NINJ2: variants seen among roughly 807,000 people sequenced by gnomAD.
The protein encoded by NINJ2 is ninjurin 2.
NINJ2 carries 12 observed loss-of-function variants against 11.7 expected under a neutral mutation model. The ratio of observed to expected loss-of-function variants is 1.02; its 90% CI spans 0.66 to 1.66. The LOEUF is 1.66. Ranked by LOEUF, NINJ2 falls within the 40% of genes most tolerant of loss-of-function variation. The probability of loss-of-function intolerance (pLI) is 0.00; values close to 1 mark genes in which losing one functional copy is unlikely to be tolerated. For missense variants in NINJ2, 187 were observed against 181.8 expected, an observed-to-expected ratio of 1.03 and a Z score of -0.16; for synonymous variants, 93 against 76.8, an observed-to-expected ratio of 1.21 and a Z score of -1.10.
At chr12:657,416 C>T (rs1330343727) in intron 1 of NINJ2, among the ~76,000 whole-genome samples, 5 of 152,060 alleles carry the variant, frequency 3.3e-5, no homozygotes, top group Non-Finnish European at 5.9e-5. Flanking sequence ...AGTGAAACCC[C>T]GCCTCTATTA....
At chr12:578,581 G>A (rs1345047774) in intron 1 of NINJ2, among the ~76,000 whole-genome samples, 3 of 152,142 alleles carry the variant, frequency 2.0e-5, no homozygotes, top group Non-Finnish European at 4.4e-5. Context: ...CACCCTCAAA[G>A]TGCTGGGATT....
At position 609,354 on chromosome 12, in the gene NINJ2, G is replaced by C. The variant is rs554481465; in HGVS notation, c.34-43176C>G. Among the ~76,000 whole-genome samples the C allele has an allele frequency of 1.9e-3, 289 of 149,434 alleles. 6 individuals are homozygous for C. The highest frequency in any genetic ancestry group is 3.4e-3 in the Middle Eastern group (1 of 290). ...CACGCACGGCGCCACGCTAGGTGCT[G>C]AAGGGGCCGCAAAGATGAGTAAAAT... On this transcript the variant is annotated intron_variant, in intron 1 of 3. Coordinates refer to ENST00000305108, the MANE Select transcript of NINJ2 (RefSeq NM_016533.6).
intron 1 of NINJ2, among the ~76,000 whole-genome samples, chr12:572,360 T>C (rs1374772365): frequency 2.6e-5 from 4 of 152,206 alleles, no homozygotes; most frequent in Admixed American, 1.3e-4. Context: ...CAGGGGCCTG[T>C]CACCCTGCTG....
intron 1 of NINJ2, among the ~76,000 whole-genome samples, chr12:599,682 T>C (rs1310281311): frequency 6.6e-6 from 1 of 152,162 alleles, no homozygotes; most frequent in African/African-American, 2.4e-5. Flanking sequence ...CTTGCCTCAG[T>C]AGAGTTGGGA....
chr12:624,808 C>CAA lies in NINJ2; in HGVS notation c.33+38518_33+38519dup, dbSNP rs11371283. ...TGGGAGACAGAGTGAGACTCCATCTCAAAAAAAAAAAAAAAGATGGCTGGG... is the reference window on the plus strand; with the variant it reads ...TGGGAGACAGAGTGAGACTCCATCTCAAAAAAAAAAAAAAAAAGATGGCTGGG... On this transcript the variant is annotated intron_variant, in intron 1 of 3. Transcript: ENST00000305108. Among the ~76,000 whole-genome samples, 252 of 129,602 alleles carry CAA rather than the reference C, an allele frequency of 1.9e-3. 2 individuals are homozygous for CAA. The highest frequency in any genetic ancestry group is 6.2e-3 in the South Asian group (24 of 3,888). 85.0% of individuals were successfully genotyped at this position (129,602 alleles called of 152,430 possible).
chr12:635,407 G>C (rs995534653), intron 1 of NINJ2, among the ~76,000 whole-genome samples: 1 of 152,174 alleles, frequency 6.6e-6, no homozygotes, highest in East Asian at 1.9e-4. Flanking sequence ...GAATAGAATA[G>C]AGCCCCAAAA....
chr12:657,226 A>G (rs1565650726), intron 1 of NINJ2, among the ~76,000 whole-genome samples: 2 of 152,232 alleles, frequency 1.3e-5, no homozygotes, highest in South Asian at 4.1e-4. Flanking sequence ...ACTGGGAGAA[A>G]ATATCTGCAA....
intron 2 of NINJ2, 174 bp downstream of exon 2, chr12:565,776 C>T (rs1252735299): frequency 2.9e-6 from 2 of 693,806 alleles, no homozygotes; most frequent in African/African-American, 1.7e-5. Flanking sequence ...GGCGCCTGCC[C>T]TCGCGGGGTG....
chr12:590,382 G>A lies in NINJ2; in HGVS notation c.34-24204C>T, dbSNP rs138975428. 4.1e-3 allele frequency among the ~76,000 whole-genome samples: 624 copies of A among 152,318 alleles called. 1 individual carries two copies. The highest frequency in any genetic ancestry group is 5.6e-3 in the Non-Finnish European group (383 of 68,028). On this transcript the variant is annotated intron_variant, in intron 1 of 3. Transcript: ENST00000305108. ...ACAGAACTGGCAGGACTGGGTGAGC[G>A]ATTGGATGCTGAGGGTGGGGAAAGG...
At chr12:643,541 C>T (rs986811833) in intron 1 of NINJ2, 5 of 987,980 alleles carry the variant, frequency 5.1e-6, no homozygotes, top group Non-Finnish European at 6.0e-6. Flanking sequence ...CCTCCCAAGA[C>T]CTGTGGGGCG....
intron 1 of NINJ2, chr12:643,386 G>T (rs1462751632): frequency 2.4e-5 from 23 of 945,098 alleles, no homozygotes; most frequent in Non-Finnish European, 2.8e-5. Context: ...GGAAAGGGTC[G>T]CAGCTGCAGT....
chr12:588,484 T>G (rs1259684921), intron 1 of NINJ2, among the ~76,000 whole-genome samples: 1 of 152,232 alleles, frequency 6.6e-6, no homozygotes, highest in Non-Finnish European at 1.5e-5. Flanking sequence ...ACACTTTATA[T>G]ATCTGAAGTC....
At chr12:622,192 C>A (rs565423042) in intron 1 of NINJ2, among the ~76,000 whole-genome samples, 3 of 148,722 alleles carry the variant, frequency 2.0e-5, no homozygotes, top group African/African-American at 7.5e-5. Flanking sequence ...GAGGCCGAGG[C>A]GGGCGGATCA....
At position 612,513 on chromosome 12, in the gene NINJ2, C is replaced by A. The variant is rs185663216; in HGVS notation, c.34-46335G>T. 2.1e-3 allele frequency among the ~76,000 whole-genome samples: 320 copies of A among 152,236 alleles called. 3 individuals carry two copies. Among genetic ancestry groups the A allele is most frequent in the Admixed American group, 0.018 (270 of 15,294 alleles). On this transcript the variant is annotated intron_variant, in intron 1 of 3. Coordinates refer to ENST00000305108, the MANE Select transcript of NINJ2 (RefSeq NM_016533.6). ...ACTGAGATTCACTGTTGCTATTCAA[C>A]CTCCACGGACTACATGAACCAAGAT... is the stretch of plus-strand genomic sequence containing the variant.
chr12:651,733 T>C (rs997363725), intron 1 of NINJ2, among the ~76,000 whole-genome samples: 1 of 152,150 alleles, frequency 6.6e-6, no homozygotes, highest in African/African-American at 2.4e-5. Context: ...ATGGGCAACG[T>C]AAGTGGAGAG....
At chr12:584,528 G>A (rs2369387) in intron 1 of NINJ2, among the ~76,000 whole-genome samples, 40,944 of 151,644 alleles carry the variant, frequency 0.27, 5,842 homozygotes, top group South Asian at 0.37. Flanking sequence ...AAAATTAGCC[G>A]AGCATGGTGG....
At chr12:566,287 G>C (rs960959565) in intron 1 of NINJ2, 109 bp from the exon 2 acceptor site, 1 of 858,466 alleles carries the variant, frequency 1.2e-6, no homozygotes, top group Non-Finnish European at 1.8e-6. Flanking sequence ...CAGATGGGAA[G>C]CTCAGGGCAA....
Position 566,167 on chromosome 12 carries a change from G to A in NINJ2, c.45C>T (p.Ser15=), listed in dbSNP as rs749908274. The change falls in exon 2 of 4, where the codon TCC becomes TCT. Residue 15 remains serine (S), a synonymous_variant. Transcript: ENST00000305108. ...RENIDLQPGS[S]DPRSQPINLN... ...GGTTGATGGGCTGGCTCCTGGGGTC[G>A]GAGCTTCCAGGCTGTAGGGGAGAAA... 99 of 1,613,290 alleles carry A rather than the reference G, an allele frequency of 6.1e-5. No homozygotes were observed. The highest frequency in any genetic ancestry group is 1.6e-4 in the Middle Eastern group (1 of 6,084).
intron 1 of NINJ2, among the ~76,000 whole-genome samples, chr12:615,613 C>G (rs567825800): frequency 6.6e-6 from 1 of 152,244 alleles, no homozygotes; most frequent in Non-Finnish European, 1.5e-5. Flanking sequence ...CTCTGCTCAC[C>G]CTTCAAAGCC....
Sources: allele counts gnomAD v4.1 joint callset (sites outside exome capture counted in the v4.1 genomes callset), GRCh38; gene constraint gnomAD v4.1.1; transcripts MANE v1.5; gene names NCBI Gene and HGNC (gene_info 2026-07-23, HGNC 2026-07-21).